NOL4: variants seen among roughly 807,000 people sequenced by gnomAD.
NOL4 encodes the protein cancer/testis antigen 125.
NOL4 carries 17 observed loss-of-function variants against 75.9 expected under a neutral mutation model. The ratio of observed to expected loss-of-function variants is 0.22; its 90% confidence interval spans 0.15 to 0.34. NOL4 has a LOEUF of 0.34. Ranked by LOEUF, NOL4 falls within the 10% of genes least tolerant of loss-of-function variation. The pLI, the probability that NOL4 is intolerant of heterozygous loss-of-function variation, is 1.00. For synonymous variants in NOL4, 292 were observed against 289.9 expected, an observed-to-expected ratio of 1.01 and a Z score of -0.07; for missense variants, 614 against 793.5, an observed-to-expected ratio of 0.77 and a Z score of 2.72.
At chr18:33,956,158 A>G (rs1420281054) in intron 8 of NOL4, among the ~76,000 whole-genome samples, 1 of 152,250 alleles carries the variant, frequency 6.6e-6, no homozygotes, top group South Asian at 2.1e-4. Flanking sequence ...CACCTTCTGG[A>G]ACAATAAATA....
intron 4 of NOL4, among the ~76,000 whole-genome samples, chr18:34,100,788 T>G (rs1351792490): frequency 6.6e-6 from 1 of 152,176 alleles, no homozygotes; most frequent in African/African-American, 2.4e-5. Flanking sequence ...TGCTTGGCCT[T>G]ATGTCTAGCT....
intron 1 of NOL4, among the ~76,000 whole-genome samples, chr18:34,153,054 G>A (rs955223446): frequency 4.6e-5 from 7 of 151,798 alleles, no homozygotes; most frequent in Admixed American, 1.3e-4. Context: ...AAAATTAAGA[G>A]TTAGTTTTGC....
At chr18:33,932,982 C>T (rs2067802440) in intron 9 of NOL4, among the ~76,000 whole-genome samples, 1 of 151,992 alleles carries the variant, frequency 6.6e-6, no homozygotes, top group African/African-American at 2.4e-5. Flanking sequence ...CGTTCTATCC[C>T]AGATAAAGTA....
chr18:34,033,872 T>C (rs1027236982), intron 5 of NOL4, among the ~76,000 whole-genome samples: 11 of 151,868 alleles, frequency 7.2e-5, no homozygotes, highest in Admixed American at 1.3e-4. Flanking sequence ...TATGGGCCAG[T>C]AGAGAATAGG....
chr18:34,160,395 T>C (rs1049251891), intron 1 of NOL4, among the ~76,000 whole-genome samples: 2 of 152,132 alleles, frequency 1.3e-5, no homozygotes, highest in African/African-American at 2.4e-5. Flanking sequence ...ATTTTTAAAT[T>C]AAAAAATATT....
intron 5 of NOL4, among the ~76,000 whole-genome samples, chr18:34,082,841 A>G (rs1003396439): frequency 1.1e-4 from 17 of 152,216 alleles, no homozygotes; most frequent in Non-Finnish European, 4.4e-5. Flanking sequence ...TTGTTACACC[A>G]TAACAATAAT....
chr18:34,016,694 A>C (rs1045021135), intron 6 of NOL4, among the ~76,000 whole-genome samples: 1 of 151,812 alleles, frequency 6.6e-6, no homozygotes, highest in Non-Finnish European at 1.5e-5. Context: ...GTCCCTCAGC[A>C]CCCTTCCTCT....
intron 4 of NOL4, among the ~76,000 whole-genome samples, chr18:34,103,191 G>T (rs1176939420): frequency 2.0e-5 from 3 of 152,000 alleles, no homozygotes; most frequent in African/African-American, 7.2e-5. Flanking sequence ...GAAATTTCAA[G>T]AAGATAATTT....
rs1305786191 is a variant in NOL4 at position 33,955,064 on chromosome 18, A to G, written c.1428+2262T>C. On this transcript the variant is annotated intron_variant, in intron 8 of 10. Coordinates refer to ENST00000261592, the MANE Select transcript of NOL4 (RefSeq NM_003787.5). Reference sequence around the variant, plus strand: ...AAAATTCAAACAAAATGTGTTTGCTAATTAGCATCAATTAAGTTAATTGGT... The same window carrying G: ...AAAATTCAAACAAAATGTGTTTGCTGATTAGCATCAATTAAGTTAATTGGT... Among the ~76,000 whole-genome samples the G allele has an allele frequency of 3.3e-5, 5 of 152,116 alleles. No individual in the cohort carries two copies. In the East Asian group the frequency reaches 9.6e-4, roughly 29 times the overall value.
chr18:34,210,089 G>C (rs770433079), intron 1 of NOL4, among the ~76,000 whole-genome samples: 214 of 152,196 alleles, frequency 1.4e-3, no homozygotes, highest in Non-Finnish European at 2.2e-3. Flanking sequence ...AAGTTGGAAG[G>C]CATAAAACAT....
At chr18:34,135,624 G>A (rs960034968) in intron 1 of NOL4, among the ~76,000 whole-genome samples, 1 of 147,294 alleles carries the variant, frequency 6.8e-6, no homozygotes, top group Non-Finnish European at 1.5e-5. Context: ...ATGAACCTGG[G>A]AGGCCAGAGC....
chr18:33,898,596 G>A lies in NOL4; in HGVS notation c.1543-15172C>T, dbSNP rs144238401. On this transcript the variant is annotated intron_variant, in intron 9 of 10. Coordinates refer to ENST00000261592, the MANE Select transcript of NOL4 (RefSeq NM_003787.5). ...GTCAAATAATTTCCAAGTCCTGTCA[G>A]TGACATGTTGAAAATGACAATTCTT... Among the ~76,000 whole-genome samples, 232 of 152,116 alleles carry A rather than the reference G, an allele frequency of 1.5e-3. 1 individual carries two copies. Among genetic ancestry groups the A allele is most frequent in the African/African-American group, 5.4e-3 (223 of 41,516 alleles).
chr18:34,190,493 G>A (rs542470825), intron 1 of NOL4, among the ~76,000 whole-genome samples: 1 of 151,858 alleles, frequency 6.6e-6, no homozygotes, highest in South Asian at 2.1e-4. Flanking sequence ...GAATAAATGT[G>A]CTGTCCTTTA....
chr18:34,157,836 G>C (rs971529614), intron 1 of NOL4, among the ~76,000 whole-genome samples: 2 of 152,116 alleles, frequency 1.3e-5, no homozygotes, highest in Non-Finnish European at 2.9e-5. Flanking sequence ...AGGAATCCAG[G>C]TGACCTTTGG....
chr18:34,063,028 C>A (rs144560755), intron 5 of NOL4, among the ~76,000 whole-genome samples: 3 of 151,988 alleles, frequency 2.0e-5, no homozygotes, highest in Non-Finnish European at 2.9e-5. Context: ...TAGCATTGAA[C>A]CCTTGCTTCT....
chr18:33,989,712 A>G (rs531579080), intron 6 of NOL4, among the ~76,000 whole-genome samples: 2 of 152,254 alleles, frequency 1.3e-5, no homozygotes, highest in South Asian at 2.1e-4. Context: ...AGTTGATGTT[A>G]GTAAAGCTAT....
intron 1 of NOL4, among the ~76,000 whole-genome samples, chr18:34,155,311 T>A (rs1325229548): frequency 1.3e-5 from 2 of 152,004 alleles, no homozygotes; most frequent in East Asian, 3.9e-4. Context: ...GAAACCTTGA[T>A]AACTGAGTTG....
intron 4 of NOL4, among the ~76,000 whole-genome samples, chr18:34,099,064 C>T (rs991199473): frequency 1.3e-5 from 2 of 151,974 alleles, no homozygotes; most frequent in African/African-American, 4.8e-5. Context: ...TCTTAGCAAA[C>T]TGTTTAAAAA....
intron 5 of NOL4, among the ~76,000 whole-genome samples, chr18:34,088,299 A>T (rs545912924): frequency 2.6e-5 from 4 of 152,084 alleles, no homozygotes; most frequent in African/African-American, 4.8e-5. Flanking sequence ...ACAAGGAATG[A>T]ACATCAGCTG....
Sources: gnomAD v4.1 joint callset for allele counts (sites outside exome capture counted in the v4.1 genomes callset) on GRCh38, gnomAD v4.1.1 for gene constraint, MANE v1.5 for transcripts, NCBI Gene and HGNC (gene_info 2026-07-23, HGNC 2026-07-21) for gene names.